EEFSEC: variants seen among roughly 807,000 people sequenced by gnomAD.
EEFSEC encodes eukaryotic elongation factor, selenocysteine-tRNA specific.
Under a neutral mutation model 42.1 loss-of-function variants are expected in EEFSEC, and 43 were observed. That is an observed-to-expected ratio of 1.02 (90% confidence interval 0.80 to 1.32). EEFSEC has a LOEUF of 1.32. Among genes scored for constraint, EEFSEC ranks in the 40% most tolerant of loss-of-function variants. EEFSEC has a pLI of 0.00. For synonymous variants in EEFSEC, 354 were observed against 339.1 expected (o/e 1.04, Z -0.48); for missense variants, 745 against 803.6 (o/e 0.93, Z 0.88).
rs1362111424 is a variant in EEFSEC at position 128,175,616 on chromosome 3, A to G, written c.316+21793A>G. Among the ~76,000 whole-genome samples the G allele has an allele frequency of 2.0e-5, 3 of 152,220 alleles. No individual in the cohort carries two copies. The East Asian group carries it at 5.8e-4, about 29-fold the overall frequency. On this transcript the variant is annotated intron_variant, in intron 1 of 6. Coordinates refer to ENST00000254730, the MANE Select transcript of EEFSEC (RefSeq NM_021937.5). ...TTCGACATCACCTTACCATTTAATG[A>G]GTCCCAGATACATGGGCTATGCCAG...
At chr3:128,394,482 G>A (rs1160954846) in intron 6 of EEFSEC, among the ~76,000 whole-genome samples, 2 of 136,208 alleles carry the variant, frequency 1.5e-5, no homozygotes, top group Non-Finnish European at 3.1e-5. Flanking sequence ...TTTTTAATAT[G>A]TGGATTTTTT....
chr3:128,226,099 G>T (rs2065904824), intron 1 of EEFSEC, among the ~76,000 whole-genome samples: 1 of 152,204 alleles, frequency 6.6e-6, no homozygotes, highest in Non-Finnish European at 1.5e-5. Flanking sequence ...CAGCAAGTGT[G>T]CTGAGAACAC....
chr3:128,273,181 C>T (rs2066432323), intron 4 of EEFSEC, among the ~76,000 whole-genome samples: 1 of 152,204 alleles, frequency 6.6e-6, no homozygotes, highest in Non-Finnish European at 1.5e-5. Flanking sequence ...GTGGTCTGAG[C>T]TCTGCATTTC....
At chr3:128,305,166 G>A (rs990206336) in intron 4 of EEFSEC, among the ~76,000 whole-genome samples, 7 of 151,988 alleles carry the variant, frequency 4.6e-5, no homozygotes, top group South Asian at 2.1e-4. Flanking sequence ...TCTTCATGGC[G>A]TATTTTGGAG....
At chr3:128,290,967 C>G (rs9819329) in intron 4 of EEFSEC, among the ~76,000 whole-genome samples, 14,616 of 151,926 alleles carry the variant, frequency 0.096, 927 homozygotes, top group Non-Finnish European at 0.13. Context: ...CATGGCTGGT[C>G]TCGAACTCCC....
intron 1 of EEFSEC, among the ~76,000 whole-genome samples, chr3:128,204,612 C>T (rs566809511): frequency 7.5e-4 from 114 of 152,198 alleles, no homozygotes; most frequent in African/African-American, 2.5e-3. Context: ...CTCTTATTAA[C>T]AAATACGATG....
At chr3:128,370,972 G>C (rs569451757) in intron 6 of EEFSEC, among the ~76,000 whole-genome samples, 7 of 152,202 alleles carry the variant, frequency 4.6e-5, no homozygotes, top group African/African-American at 1.4e-4. Context: ...AGGGCACAGA[G>C]GATGGAAAGA....
In EEFSEC at chr3:128,341,530, C is replaced by A. The variant is rs752772741; in HGVS notation, c.1084C>A (p.Pro362Thr). Residue 362 changes from proline (P) to threonine (T), a missense_variant, in exon 5 of 7, where the codon CCT (proline) becomes ACT (threonine). Physicochemically the swap from Pro to Thr is conservative, Grantham distance 38. Coordinates refer to ENST00000254730, the MANE Select transcript of EEFSEC (RefSeq NM_021937.5). ...TGCTCCAGATAACTTTGACCAGGAG[C>A]CTATACTGGACTCTTTCAACTTCTC... ...SPAPDNFDQE[P>T]ILDSFNFSQE... is the part of the protein sequence containing the mutation. The A allele has an allele frequency of 1.9e-6, 3 of 1,614,100 alleles. No homozygotes were observed. The highest frequency in any genetic ancestry group is 2.2e-5 in the South Asian group (2 of 91,080).
At chr3:128,308,759 G>A (rs1264477437) in intron 4 of EEFSEC, among the ~76,000 whole-genome samples, 1 of 152,146 alleles carries the variant, frequency 6.6e-6, no homozygotes, top group African/African-American at 2.4e-5. Context: ...GACTCCCTGG[G>A]AACACAAGGC....
intron 4 of EEFSEC, among the ~76,000 whole-genome samples, chr3:128,298,483 T>C (rs1325506193): frequency 6.6e-6 from 1 of 152,214 alleles, no homozygotes; most frequent in Non-Finnish European, 1.5e-5. Context: ...TTGTACATAT[T>C]TGGGGGCACA....
intron 6 of EEFSEC, among the ~76,000 whole-genome samples, chr3:128,371,084 T>C (rs1386357924): frequency 3.3e-5 from 5 of 152,230 alleles, no homozygotes; most frequent in Admixed American, 6.5e-5. Flanking sequence ...ACTCCTTTGA[T>C]ATATATAAAA....
intron 1 of EEFSEC, among the ~76,000 whole-genome samples, chr3:128,215,481 A>G (rs1428409009): frequency 1.3e-5 from 2 of 152,224 alleles, no homozygotes; most frequent in African/African-American, 4.8e-5. Context: ...CACCTTGGAC[A>G]GCGTTGATGG....
chr3:128,164,993 G>A (rs1456899353), intron 1 of EEFSEC, among the ~76,000 whole-genome samples: 1 of 152,252 alleles, frequency 6.6e-6, no homozygotes, highest in Admixed American at 6.5e-5. Context: ...AGCAGGGAAA[G>A]TGGGGCTCTG....
intron 6 of EEFSEC, among the ~76,000 whole-genome samples, chr3:128,403,290 G>A (rs1023162547): frequency 6.6e-6 from 1 of 152,198 alleles, no homozygotes; most frequent in African/African-American, 2.4e-5. Flanking sequence ...CAGGCCAGGT[G>A]TGCAGAAGGG....
the EEFSEC span, among the ~76,000 whole-genome samples, chr3:128,415,782 G>T: frequency 6.6e-6 from 1 of 152,208 alleles, no homozygotes; most frequent in Admixed American, 6.5e-5. Context: ...TCCAAGGAAG[G>T]TCTCCTGGCC....
At chr3:128,274,994 A>T (rs2066452801) in intron 4 of EEFSEC, among the ~76,000 whole-genome samples, 1 of 152,174 alleles carries the variant, frequency 6.6e-6, no homozygotes, top group South Asian at 2.1e-4. Flanking sequence ...AAGGGGTGAG[A>T]TGGATGCGGG....
intron 3 of EEFSEC, 127 bp downstream of exon 3, chr3:128,262,351 T>A: frequency 1.3e-6 from 1 of 776,378 alleles, no homozygotes. Flanking sequence ...TTGGTTCCAT[T>A]AACCTCCCTG....
At chr3:128,244,369 G>T (rs1161881852) in intron 1 of EEFSEC, among the ~76,000 whole-genome samples, 6 of 152,222 alleles carry the variant, frequency 3.9e-5, no homozygotes, top group Non-Finnish European at 7.3e-5. Flanking sequence ...AAAAGCCCAG[G>T]AAAGGGTTTG....
At chr3:128,306,335 T>C (rs950778371) in intron 4 of EEFSEC, among the ~76,000 whole-genome samples, 1 of 152,250 alleles carries the variant, frequency 6.6e-6, no homozygotes, top group East Asian at 1.9e-4. Context: ...GCCTACAATT[T>C]GTGCTTTACA....
Sources: allele counts gnomAD v4.1 joint callset (sites outside exome capture counted in the v4.1 genomes callset), GRCh38; gene constraint gnomAD v4.1.1; transcripts MANE v1.5; gene names NCBI Gene and HGNC (gene_info 2026-07-23, HGNC 2026-07-21).